ST8SIA5: variants seen among roughly 807,000 people sequenced by gnomAD.
ST8SIA5 encodes the protein ST8 alpha-N-acetyl-neuraminide alpha-2,8-sialyltransferase 5.
In ST8SIA5, 24 loss-of-function variants were observed where a neutral mutation model predicts 40.2. The ratio of observed to expected loss-of-function variants is 0.60; its 90% CI spans 0.43 to 0.84. The LOEUF is 0.84. Ranked by LOEUF, ST8SIA5 falls within the 40% of genes least tolerant of loss-of-function variation. ST8SIA5 has a pLI of 0.00. For missense variants in ST8SIA5, 465 were observed against 498.5 expected, an observed-to-expected ratio of 0.93 and a Z score of 0.64; for synonymous variants, 198 against 201.8, an observed-to-expected ratio of 0.98 and a Z score of 0.16.
At position 46,695,725 on chromosome 18, in the gene ST8SIA5, C is replaced by T. The variant is rs1002225711; in HGVS notation, c.225-3470G>A. Among the ~76,000 whole-genome samples the T allele has an allele frequency of 3.3e-5, 5 of 152,340 alleles. No homozygotes were observed. The East Asian group carries it at 5.8e-4, about 18-fold the overall frequency. On this transcript the variant is annotated intron_variant, in intron 2 of 6. Coordinates refer to ENST00000315087, the MANE Select transcript of ST8SIA5 (RefSeq NM_013305.6). ...CCATGGGGGCAGGGGATCAAGCCTA[C>T]GCTCATCACTGTAACTCAAGTGCTA...
At chr18:46,691,800 G>A in intron 3 of ST8SIA5, 1 of 224,892 alleles carries the variant, frequency 4.4e-6, no homozygotes, top group Non-Finnish European at 9.0e-6. Flanking sequence ...GGGGAGGTGA[G>A]GACCAGGAGG....
At position 46,670,721 on chromosome 18, in the gene ST8SIA5, C is replaced by G. The variant is rs1344465170; in HGVS notation, c.*9321G>C. The G allele has an allele frequency of 6.6e-6, 1 of 152,036 alleles. No individual in the cohort carries two copies. The highest frequency in any genetic ancestry group is 2.4e-5 in the African/African-American group (1 of 41,396). 9.4% of individuals were successfully genotyped at this position (152,036 alleles called of 1,614,324 possible). A position where few individuals can be genotyped will look rare whatever the true frequency, so the allele number is the denominator to read the frequency against. ...TGCTGGGATTACAGATGTGAGCCAC[C>G]ATGCCTGGACATATTTTCTTATCCT... On this transcript the variant is annotated 3_prime_UTR_variant, in exon 7 of 7. Coordinates refer to ENST00000315087, the MANE Select transcript of ST8SIA5 (RefSeq NM_013305.6).
At chr18:46,689,041 G>A (rs1353743849) in intron 3 of ST8SIA5, 122 bp from the exon 4 acceptor site, 3 of 1,235,540 alleles carry the variant, frequency 2.4e-6, no homozygotes, top group South Asian at 1.6e-5. Flanking sequence ...CCTATCCCAC[G>A]CTTGCCCCCA....
chr18:46,692,187 G>C lies in ST8SIA5; in HGVS notation c.293C>G (p.Ser98Cys). The change falls in exon 3 of 7, where the codon TCT (serine) becomes TGT (cysteine). Residue 98 changes from serine to cysteine, a missense_variant. By Grantham distance (112) the Ser-to-Cys change is moderately radical. Transcript: ENST00000315087. ...TAGATACTTGAACTGGTTGGCCTCA[G>C]AGATGTTCATCGCCCATTTGCACAT... ...LQMCKWAMNI[S>C]EANQFKSTLS... The C allele has an allele frequency of 6.2e-7, 1 of 1,614,122 alleles. No homozygotes were observed.
intron 1 of ST8SIA5, chr18:46,730,203 C>G (rs1246695246): frequency 3.1e-5 from 31 of 985,172 alleles, no homozygotes; most frequent in Non-Finnish European, 3.7e-5. Flanking sequence ...GCAGATGACT[C>G]ACCTCCAGGC....
intron 6 of ST8SIA5, 120 bp from the exon 7 acceptor site, chr18:46,680,630 C>A (rs1417552157): frequency 3.1e-6 from 3 of 964,104 alleles, no homozygotes; most frequent in African/African-American, 3.3e-5. Context: ...AGGCCACCTG[C>A]CTCCTGACAC....
intron 1 of ST8SIA5, among the ~76,000 whole-genome samples, chr18:46,741,321 C>T (rs992482192): frequency 6.6e-6 from 1 of 152,204 alleles, no homozygotes; most frequent in African/African-American, 2.4e-5. Flanking sequence ...CTTAAATACT[C>T]TTACAATTAC....
At chr18:46,729,478 GA>G in intron 1 of ST8SIA5, among the ~76,000 whole-genome samples, 1 of 152,092 alleles carries the variant, frequency 6.6e-6, no homozygotes, top group East Asian at 1.9e-4. Context: ...GAAACAGAGA[GA>G]GGGGAGGCCA....
intron 1 of ST8SIA5, among the ~76,000 whole-genome samples, chr18:46,754,864 C>A (rs1294390705): frequency 6.6e-6 from 1 of 152,248 alleles, no homozygotes; most frequent in Non-Finnish European, 1.5e-5. Context: ...AGAGCAAGTG[C>A]CAAGACAGCA....
intron 1 of ST8SIA5, among the ~76,000 whole-genome samples, chr18:46,750,880 G>A (rs1008188816): frequency 2.0e-5 from 3 of 152,026 alleles, no homozygotes; most frequent in East Asian, 1.9e-4. Flanking sequence ...TCACATCAGT[G>A]GTTTTCTAAC....
chr18:46,680,814 A>C (rs779800649), intron 6 of ST8SIA5, among the ~76,000 whole-genome samples: 7 of 152,180 alleles, frequency 4.6e-5, no homozygotes, highest in Non-Finnish European at 7.3e-5. Flanking sequence ...GAGGCTCAGA[A>C]GGGAAGTGGC....
rs1406400731 is a variant in ST8SIA5 at position 46,676,165 on chromosome 18, C to G, written c.*3877G>C. 1 of 152,222 alleles carries G rather than the reference C, an allele frequency of 6.6e-6. No homozygotes were observed. Among genetic ancestry groups the G allele is most frequent in the Non-Finnish European group, 1.5e-5 (1 of 68,046 alleles). 9.4% of individuals were successfully genotyped at this position (152,222 alleles called of 1,614,324 possible). ...TGCTTTGCTCATTACACTTTTTATG[C>G]TGCCAACCTTCAGAATTCGGAATTG... On this transcript the variant is annotated 3_prime_UTR_variant, in exon 7 of 7. Coordinates refer to ENST00000315087, the MANE Select transcript of ST8SIA5 (RefSeq NM_013305.6).
In ST8SIA5 at chr18:46,704,772, G is replaced by A. The variant is rs1416122572; in HGVS notation, c.132-108C>T. 6 of 912,182 alleles carry A rather than the reference G, an allele frequency of 6.6e-6. No individual in the cohort carries two copies. The South Asian group carries it at 8.5e-5, about 13-fold the overall frequency. 56.5% of individuals were successfully genotyped at this position (912,182 alleles called of 1,614,324 possible). A position where few individuals can be genotyped will look rare whatever the true frequency, so the allele number is the denominator to read the frequency against. On this transcript the variant is annotated intron_variant, in intron 1 of 6. Transcript: ENST00000315087. The stretch of plus-strand genomic sequence containing the variant: ...TGTCTGTCCCAGTGAAATAAATAAA[G>A]CCAACCAGCCCCATCCCAGCAGATG...
rs1555696955 is a variant in ST8SIA5 at position 46,725,972 on chromosome 18, A to AATATATAT, written c.132-21316_132-21309dup. ...CCCATCTCTACTTAAAAAAAAAAAA[A>AATATATAT]ATATATATATATATATATATATATA... On this transcript the variant is annotated intron_variant, in intron 1 of 6. Transcript: ENST00000315087. Among the ~76,000 whole-genome samples, 162 of 28,836 alleles carry AATATATAT rather than the reference A, an allele frequency of 5.6e-3. 2 individuals are homozygous for AATATATAT. Among genetic ancestry groups the AATATATAT allele is most frequent in the East Asian group, 0.011 (10 of 920 alleles). 18.9% of individuals were successfully genotyped at this position (28,836 alleles called of 152,430 possible). A position where few individuals can be genotyped will look rare whatever the true frequency, so the allele number is the denominator to read the frequency against.
chr18:46,727,641 A>G lies in ST8SIA5; in HGVS notation c.132-22977T>C, dbSNP rs1314858502. On this transcript the variant is annotated intron_variant, in intron 1 of 6. Transcript: ENST00000315087. Reference sequence around the variant, plus strand: ...TTATTTCAAATCCTCCCAAAAGCCTATAGGTGGGCATTAGTATCACCATTT... The same window carrying G: ...TTATTTCAAATCCTCCCAAAAGCCTGTAGGTGGGCATTAGTATCACCATTT... 2.0e-5 allele frequency among the ~76,000 whole-genome samples: 3 copies of G among 152,196 alleles called. No individual in the cohort carries two copies. In the East Asian group the frequency reaches 5.8e-4, roughly 29 times the overall value.
At chr18:46,718,666 G>T (rs1337199575) in intron 1 of ST8SIA5, among the ~76,000 whole-genome samples, 1 of 151,808 alleles carries the variant, frequency 6.6e-6, no homozygotes, top group Non-Finnish European at 1.5e-5. Context: ...TTGCTTCTTT[G>T]CCCCTCTTCA....
At chr18:46,739,712 C>T (rs2040070055) in intron 1 of ST8SIA5, among the ~76,000 whole-genome samples, 1 of 152,174 alleles carries the variant, frequency 6.6e-6, no homozygotes, top group East Asian at 1.9e-4. Flanking sequence ...TGACATACCC[C>T]ACCACATCAC....
At chr18:46,714,360 C>T (rs568246496) in intron 1 of ST8SIA5, among the ~76,000 whole-genome samples, 12 of 152,326 alleles carry the variant, frequency 7.9e-5, no homozygotes, top group African/African-American at 2.6e-4. Context: ...CATTCTCATG[C>T]CTTCCCCTAG....
intron 1 of ST8SIA5, among the ~76,000 whole-genome samples, chr18:46,719,398 C>T (rs1252103246): frequency 1.3e-5 from 2 of 151,692 alleles, no homozygotes; most frequent in Non-Finnish European, 2.9e-5. Context: ...GAGAGGGAGG[C>T]AATGGGGAGG....
Sources: gnomAD v4.1 joint callset for allele counts (sites outside exome capture counted in the v4.1 genomes callset) on GRCh38, gnomAD v4.1.1 for gene constraint, MANE v1.5 for transcripts, NCBI Gene and HGNC (gene_info 2026-07-23, HGNC 2026-07-21) for gene names.